Variants in PHC2 observed in about 807,000 individuals in gnomAD.
The protein encoded by PHC2 is polyhomeotic homolog 2, also known as polyhomeotic-like protein 2.
Under a neutral mutation model 87.4 loss-of-function variants are expected in PHC2, and 29 were observed. The ratio of observed to expected loss-of-function variants is 0.33; its 90% CI spans 0.25 to 0.45. The LOEUF is 0.45. Ranked by LOEUF, PHC2 falls within the 20% of genes least tolerant of loss-of-function variation. The pLI is 1.00. For missense variants in PHC2, 857 were observed against 1,136.7 expected (o/e 0.75, Z 3.54); for synonymous variants, 438 against 461.7 (o/e 0.95, Z 0.66).
intron 1 of PHC2, among the ~76,000 whole-genome samples, chr1:33,394,493 C>T (rs917742824): frequency 5.9e-5 from 9 of 152,190 alleles, no homozygotes; most frequent in Non-Finnish European, 4.4e-5. Context: ...ACACCAATGC[C>T]TGGGCCCCAC....
intron 1 of PHC2, among the ~76,000 whole-genome samples, chr1:33,430,300 G>T (rs1004847844): frequency 6.6e-6 from 1 of 152,158 alleles, no homozygotes; most frequent in Admixed American, 6.5e-5. Flanking sequence ...GCCTTTCTAG[G>T]GCATCCCTCC....
At position 33,371,017 on chromosome 1, in the gene PHC2, C is replaced by T. The variant is rs893588767; in HGVS notation, c.411G>A (p.Ser137=). ...GCTGCTGCTCCCCCATTCTACTCACCGAAGATGACTGGGCCGGGGCCTGCG... is the reference window on the plus strand; with the variant it reads ...GCTGCTGCTCCCCCATTCTACTCACTGAAGATGACTGGGCCGGGGCCTGCG... ...VSAQAPAQSS[S]INLAASPAAA... Residue 137 remains serine (S), a splice_region_variant and synonymous_variant, in exon 4 of 15, where the codon TCG becomes TCA. Transcript: ENST00000683057. 5.6e-6 allele frequency: 9 copies of T among 1,613,398 alleles called. No homozygotes were observed. Among genetic ancestry groups the T allele is most frequent in the African/African-American group, 1.3e-5 (1 of 74,890 alleles).
intron 1 of PHC2, among the ~76,000 whole-genome samples, chr1:33,411,446 G>GTTT (rs377005454): frequency 4.8e-5 from 7 of 145,726 alleles, no homozygotes; most frequent in South Asian, 2.1e-4. Flanking sequence ...GAACATCTCT[G>GTTT]TTTTTTGTTG....
rs1331166219 is a variant in PHC2, at chr1:33,331,433, G to A, written c.1921C>T (p.Leu641Phe). ...ACCCGGCCACAGAGCTCACACTTGA[G>A]TTTGAGGGGAGCACCCTCCTCTTTG... ...ESKEEGAPLKLKCELCGRVDF... is the reference protein window; with the variant it reads ...ESKEEGAPLKFKCELCGRVDF... The change falls in exon 12 of 15, where the codon CTC becomes TTC. Residue 641 changes from leucine (L) to phenylalanine (F), a missense_variant. By Grantham distance (22) the Leu-to-Phe change is conservative (BLOSUM62 0). Coordinates refer to ENST00000683057, the MANE Select transcript of PHC2 (RefSeq NM_001385109.1). The surrounding 1 kb of genome is among the most constrained non-coding windows in gnomAD (Gnocchi z 5.2). 4 of 1,610,538 alleles carry A rather than the reference G, an allele frequency of 2.5e-6. No individual in the cohort carries two copies. Among genetic ancestry groups the A allele is most frequent in the Non-Finnish European group, 3.4e-6 (4 of 1,177,074 alleles).
intron 7 of PHC2, among the ~76,000 whole-genome samples, chr1:33,356,371 T>C (rs1283652604): frequency 6.7e-6 from 1 of 149,502 alleles, no homozygotes; most frequent in Non-Finnish European, 1.5e-5. Flanking sequence ...AGGACAATAG[T>C]GGAGGGAAGG....
At chr1:33,347,823 G>C (rs1431722400) in intron 9 of PHC2, 5 of 752,694 alleles carry the variant, frequency 6.6e-6, no homozygotes, top group Non-Finnish European at 8.1e-6. Context: ...CCATCTGCCC[G>C]ACCTTCTGCG....
chr1:33,358,388 TA>T (rs1252659079), intron 7 of PHC2, among the ~76,000 whole-genome samples: 13 of 152,198 alleles, frequency 8.5e-5, no homozygotes, highest in African/African-American at 2.9e-4. Flanking sequence ...ATCAAGCTCA[TA>T]AGGCTTGAAT....
At chr1:33,376,914 C>T (rs1648214546) in intron 1 of PHC2, among the ~76,000 whole-genome samples, 1 of 152,130 alleles carries the variant, frequency 6.6e-6, no homozygotes, top group African/African-American at 2.4e-5. Flanking sequence ...GGTGACAAAA[C>T]CAGAAGGCAA....
chr1:33,351,096 G>C (rs1228173722), intron 9 of PHC2, among the ~76,000 whole-genome samples: 1 of 152,202 alleles, frequency 6.6e-6, no homozygotes, highest in African/African-American at 2.4e-5. Context: ...GGACCAGAGA[G>C]TAAATATTTT....
chr1:33,356,295 T>TATACGTATATATA (rs1647084160), intron 7 of PHC2, among the ~76,000 whole-genome samples: 1 of 83,516 alleles, frequency 1.2e-5, no homozygotes, highest in East Asian at 4.3e-4. Flanking sequence ...ATATATATAT[T>TATACGTATATATA]TATTTATTTA....
chr1:33,346,231 G>T, intron 9 of PHC2: 1 of 983,284 alleles, frequency 1.0e-6, no homozygotes, highest in Non-Finnish European at 1.2e-6. Context: ...GGGACTGGGG[G>T]GAGGTGGGGA....
intron 1 of PHC2, among the ~76,000 whole-genome samples, chr1:33,392,268 G>A (rs1273678257): frequency 1.3e-5 from 2 of 152,148 alleles, no homozygotes; most frequent in African/African-American, 2.4e-5. Flanking sequence ...GTCCTAACGC[G>A]AGGTCCACAT....
chr1:33,415,887 T>C (rs1212612571), intron 1 of PHC2, among the ~76,000 whole-genome samples: 1 of 152,150 alleles, frequency 6.6e-6, no homozygotes, highest in Non-Finnish European at 1.5e-5. Context: ...TGGATGAGAT[T>C]AACAACAGAT....
intron 9 of PHC2, 29 bp downstream of exon 9, chr1:33,354,372 C>G: frequency 6.3e-7 from 1 of 1,581,774 alleles, no homozygotes; most frequent in Non-Finnish European, 8.6e-7. Context: ...ACTTCCTCCC[C>G]TCCCCCAGGG....
At chr1:33,424,829 A>G (rs866957980) in intron 1 of PHC2, among the ~76,000 whole-genome samples, 4 of 152,216 alleles carry the variant, frequency 2.6e-5, no homozygotes, top group Admixed American at 1.3e-4. Flanking sequence ...ATCCAGCCAT[A>G]ATAAGGCCCT....
intron 1 of PHC2, among the ~76,000 whole-genome samples, chr1:33,417,527 G>GA (rs1195033846): frequency 2.1e-5 from 3 of 143,808 alleles, no homozygotes; most frequent in African/African-American, 7.5e-5. Flanking sequence ...AATATTGCCA[G>GA]AAAAAAGAAG....
At chr1:33,406,275 T>C (rs1302373717) in intron 1 of PHC2, among the ~76,000 whole-genome samples, 1 of 152,246 alleles carries the variant, frequency 6.6e-6, no homozygotes, top group Admixed American at 6.5e-5. Context: ...TCTGACTCAT[T>C]ATAATTTTGT....
chr1:33,371,705 C>G (rs1557837983), intron 3 of PHC2, among the ~76,000 whole-genome samples: 2 of 152,204 alleles, frequency 1.3e-5, no homozygotes, highest in South Asian at 4.1e-4. Context: ...GCCCTTCAGT[C>G]AGAACAATCT....
chr1:33,402,021 T>A (rs1049596863), intron 1 of PHC2, among the ~76,000 whole-genome samples: 9 of 152,084 alleles, frequency 5.9e-5, no homozygotes, highest in African/African-American at 2.2e-4. Flanking sequence ...AAAGGCATAA[T>A]AACAAGCCTT....
Sources: gnomAD v4.1 joint callset for allele counts (sites outside exome capture counted in the v4.1 genomes callset) on GRCh38, gnomAD v4.1.1 for gene constraint, Gnocchi (gnomAD v3.1) non-coding constraint, MANE v1.5 for transcripts, NCBI Gene and HGNC (gene_info 2026-07-23, HGNC 2026-07-21) for gene names.